Variants in PRKG1 observed in about 807,000 individuals in gnomAD.
The protein encoded by PRKG1 is cGMP-dependent protein kinase 1.
In PRKG1, 35 loss-of-function variants were observed where a neutral mutation model predicts 88.1. That is an observed-to-expected ratio of 0.40 (90% confidence interval 0.30 to 0.53). The LOEUF (loss-of-function observed/expected upper bound fraction) is 0.53, where lower values mean the gene tolerates loss of function less well. Ranked by LOEUF, PRKG1 falls within the 20% of genes least tolerant of loss-of-function variation. The pLI, the probability that PRKG1 is intolerant of heterozygous loss-of-function variation, is 0.59. For synonymous variants in PRKG1, 303 were observed against 292.5 expected (o/e 1.04, Z -0.37); for missense variants, 540 against 839.8 (o/e 0.64, Z 4.41).
chr10:52,068,289 A>G (rs1301836530), intron 7 of PRKG1, among the ~76,000 whole-genome samples: 3 of 151,904 alleles, frequency 2.0e-5, no homozygotes, highest in Non-Finnish European at 4.4e-5. Flanking sequence ...GGCAAATTCT[A>G]AACCGAATAT....
chr10:51,722,603 A>G (rs1259867574), intron 3 of PRKG1, among the ~76,000 whole-genome samples: 1 of 152,170 alleles, frequency 6.6e-6, no homozygotes, highest in Admixed American at 6.5e-5. Flanking sequence ...ACATTCAGAG[A>G]GGCAAAATAT....
chr10:51,430,748 T>C (rs546764200), intron 2 of PRKG1, among the ~76,000 whole-genome samples: 25 of 152,178 alleles, frequency 1.6e-4, no homozygotes. Flanking sequence ...GTCCATACAA[T>C]GGAGTGCTAT....
intron 3 of PRKG1, among the ~76,000 whole-genome samples, chr10:51,667,586 T>G (rs1053211436): frequency 3.3e-5 from 5 of 152,200 alleles, no homozygotes; most frequent in Non-Finnish European, 7.3e-5. Flanking sequence ...CACATTTTTT[T>G]TAAAGGGTTC....
chr10:51,390,440 G>A (rs1357709868), intron 2 of PRKG1, among the ~76,000 whole-genome samples: 2 of 152,024 alleles, frequency 1.3e-5, no homozygotes, highest in East Asian at 1.9e-4. Flanking sequence ...TCAACTTCAG[G>A]TTATAAAATT....
At chr10:51,104,441 A>G (rs1564601612) in intron 1 of PRKG1, among the ~76,000 whole-genome samples, 1 of 152,208 alleles carries the variant, frequency 6.6e-6, no homozygotes, top group Non-Finnish European at 1.5e-5. Context: ...AGTTGTATAT[A>G]AGATGTAAGT....
Position 52,258,208 on chromosome 10 carries a change from C to A in PRKG1, c.1173+6542C>A, listed in dbSNP as rs966364609. ...GTTAATAGTTTCTCCTCTAAACCTG[C>A]ATATGATTTTAGAATAATCACTATA... On this transcript the variant is annotated intron_variant, in intron 10 of 17. Coordinates refer to ENST00000373980, the MANE Select transcript of PRKG1 (RefSeq NM_006258.4). 2.2e-5 allele frequency among the ~76,000 whole-genome samples: 3 copies of A among 138,556 alleles called. 1 individual carries two copies. The highest frequency in any genetic ancestry group is 4.9e-5 in the Non-Finnish European group (3 of 61,438). The allele number at this position is 138,556 out of a possible 152,430, so 90.9% of individuals were successfully genotyped here. A position where few individuals can be genotyped will look rare whatever the true frequency, so the allele number is the denominator to read the frequency against.
intron 3 of PRKG1, among the ~76,000 whole-genome samples, chr10:51,499,049 T>C (rs539605033): frequency 1.3e-5 from 2 of 152,276 alleles, no homozygotes; most frequent in South Asian, 4.1e-4. Context: ...GTGAGAAGAA[T>C]GTTAATTTAT....
Position 51,074,844 on chromosome 10 carries a change from C to T in PRKG1, c.254C>T (p.Ala85Val). The T allele has an allele frequency of 6.2e-7, 1 of 1,613,512 alleles. No homozygotes were observed. The highest frequency in any genetic ancestry group is 8.5e-7 in the Non-Finnish European group (1 of 1,179,680). The change falls in exon 1 of 18, where the codon GCC becomes GTC. Residue 85 changes from alanine (A) to valine (V), a missense_variant. Physicochemically the swap from Ala to Val is moderately conservative, Grantham distance 64. Coordinates refer to ENST00000373980, the MANE Select transcript of PRKG1 (RefSeq NM_006258.4). ...CAGGCGATCTCCGCCGAGCCCACCG[C>T]CTTCGACATCCAGGATCTCAGCCAT... ...KRQAISAEPT[A>V]FDIQDLSHVT... is the part of the protein sequence containing the mutation.
chr10:51,943,316 T>G (rs1359838271), intron 5 of PRKG1, among the ~76,000 whole-genome samples: 1 of 151,888 alleles, frequency 6.6e-6, no homozygotes, highest in African/African-American at 2.4e-5. Context: ...ATCCTGAGAC[T>G]TTGCTGAAGT....
intron 3 of PRKG1, among the ~76,000 whole-genome samples, chr10:51,658,042 G>A (rs1248807191): frequency 6.6e-6 from 1 of 152,146 alleles, no homozygotes; most frequent in Non-Finnish European, 1.5e-5. Flanking sequence ...TCAACAGCTG[G>A]TTATAAGACC....
At chr10:51,505,720 AT>A (rs1380437634) in intron 3 of PRKG1, among the ~76,000 whole-genome samples, 4 of 152,112 alleles carry the variant, frequency 2.6e-5, no homozygotes, top group Non-Finnish European at 5.9e-5. Context: ...GTGTCGAGGA[AT>A]TTATCCATTT....
chr10:51,162,439 T>C (rs891374705), intron 2 of PRKG1, among the ~76,000 whole-genome samples: 4 of 152,194 alleles, frequency 2.6e-5, no homozygotes, highest in African/African-American at 9.6e-5. Context: ...AAAATGAAAA[T>C]ATTTTTGTGC....
chr10:52,118,682 G>A (rs1589622357), intron 7 of PRKG1, among the ~76,000 whole-genome samples: 1 of 151,906 alleles, frequency 6.6e-6, no homozygotes, highest in African/African-American at 2.4e-5. Flanking sequence ...ATTTGAATTG[G>A]ATATGAATTT....
chr10:51,349,930 G>A (rs551255924), intron 2 of PRKG1, among the ~76,000 whole-genome samples: 34 of 152,140 alleles, frequency 2.2e-4, no homozygotes, highest in African/African-American at 8.0e-4. Flanking sequence ...CCCTAAATGA[G>A]CTTACTCTCT....
At chr10:51,863,322 T>C (rs1427282565) in intron 4 of PRKG1, among the ~76,000 whole-genome samples, 1 of 152,236 alleles carries the variant, frequency 6.6e-6, no homozygotes, top group African/African-American at 2.4e-5. Flanking sequence ...AATCTCTATC[T>C]TGACAGTGTT....
chr10:51,619,958 T>A (rs1839164238), intron 3 of PRKG1, among the ~76,000 whole-genome samples: 1 of 152,150 alleles, frequency 6.6e-6, no homozygotes, highest in Non-Finnish European at 1.5e-5. Flanking sequence ...TGGAGTTTTC[T>A]TTTAGGCTGG....
chr10:51,020,416 C>T (rs1843119843), intron 1 of PRKG1, among the ~76,000 whole-genome samples: 1 of 152,200 alleles, frequency 6.6e-6, no homozygotes, highest in Non-Finnish European at 1.5e-5. Context: ...CATTTTTTAG[C>T]ATCATACTAT....
chr10:51,058,450 C>T (rs965665176), intron 1 of PRKG1, among the ~76,000 whole-genome samples: 5 of 152,044 alleles, frequency 3.3e-5, no homozygotes, highest in African/African-American at 1.2e-4. Flanking sequence ...CATATATCTC[C>T]TACCCCAGTA....
chr10:51,386,883 A>G (rs1837265915), intron 2 of PRKG1, among the ~76,000 whole-genome samples: 1 of 152,220 alleles, frequency 6.6e-6, no homozygotes, highest in South Asian at 2.1e-4. Context: ...ATTCATGTTC[A>G]TTGCTTATCA....
Sources: gnomAD v4.1 joint callset for allele counts (sites outside exome capture counted in the v4.1 genomes callset) on GRCh38, gnomAD v4.1.1 for gene constraint, MANE v1.5 for transcripts, NCBI Gene and HGNC (gene_info 2026-07-23, HGNC 2026-07-21) for gene names.